Variants in ABI2 observed in about 807,000 individuals in gnomAD.
ABI2 encodes the protein abl interactor 2.
In ABI2, 25 loss-of-function variants were observed where a neutral mutation model predicts 59.2. The ratio of observed to expected loss-of-function variants is 0.42; its 90% CI spans 0.31 to 0.59. The LOEUF is 0.59. ABI2 is among the 20% of genes least tolerant of loss of function. The pLI, the probability that ABI2 is intolerant of heterozygous loss-of-function variation, is 0.14. For synonymous variants in ABI2, 213 were observed against 235.5 expected, an observed-to-expected ratio of 0.90 and a Z score of 0.87; for missense variants, 545 against 681.8, an observed-to-expected ratio of 0.80 and a Z score of 2.23.
chr2:203,395,918 T>C, intron 7 of ABI2, 138 bp downstream of exon 7: 1 of 1,063,602 alleles, frequency 9.4e-7, no homozygotes, highest in African/African-American at 1.6e-5. Flanking sequence ...TCTATATATT[T>C]GTTATTTGTA....
At chr2:203,387,748 G>A (rs563974156) in intron 4 of ABI2, among the ~76,000 whole-genome samples, 6 of 152,250 alleles carry the variant, frequency 3.9e-5, no homozygotes, top group South Asian at 2.1e-4. Flanking sequence ...TGCTATGTTT[G>A]TAACTTTAAA....
At chr2:203,367,074 AT>A in intron 2 of ABI2, 30 bp downstream of exon 2, 1 of 1,593,510 alleles carries the variant, frequency 6.3e-7, no homozygotes, top group South Asian at 1.1e-5. Flanking sequence ...CTATTTGCCT[AT>A]GAGGAACCCT....
At chr2:203,394,377 G>A in intron 5 of ABI2, 1 of 189,494 alleles carries the variant, frequency 5.3e-6, no homozygotes. Flanking sequence ...GATACTAAAA[G>A]AATTCCAACT....
chr2:203,430,797 A>G lies in ABI2; in HGVS notation c.*3445A>G, dbSNP rs1414450296. 1 of 151,992 alleles carries G rather than the reference A, an allele frequency of 6.6e-6. No individual in the cohort carries two copies. Among genetic ancestry groups the G allele is most frequent in the Admixed American group, 6.6e-5 (1 of 15,264 alleles). 9.4% of individuals were successfully genotyped at this position (151,992 alleles called of 1,614,324 possible). A position where few individuals can be genotyped will look rare whatever the true frequency, so the allele number is the denominator to read the frequency against. The stretch of plus-strand genomic sequence containing the variant: ...TCCAGCTAGACAATATTTTATGCAT[A>G]TTTACCGTGATGTCTGGACCGTACC... On this transcript the variant is annotated 3_prime_UTR_variant, in exon 12 of 12. Coordinates refer to ENST00000261018, the MANE Select transcript of ABI2 (RefSeq NM_001375670.1).
intron 1 of ABI2, among the ~76,000 whole-genome samples, chr2:203,347,289 C>G (rs1431459646): frequency 6.6e-6 from 1 of 152,120 alleles, no homozygotes; most frequent in African/African-American, 2.4e-5. Context: ...ATCCTGACTC[C>G]CAGTTTATGC....
chr2:203,427,063 C>A, intron 11 of ABI2, 114 bp from the exon 12 acceptor site: 2 of 847,150 alleles, frequency 2.4e-6, no homozygotes, highest in South Asian at 1.9e-5. Flanking sequence ...TTTAGAAAGT[C>A]ACCATGTTTG....
At chr2:203,355,215 A>T in intron 1 of ABI2, 1 of 398,978 alleles carries the variant, frequency 2.5e-6, no homozygotes, top group South Asian at 1.8e-5. Flanking sequence ...ATGGAAAGTT[A>T]AAAAAAGAAG....
chr2:203,366,728 T>C, intron 1 of ABI2, 149 bp from the exon 2 acceptor site: 1 of 670,252 alleles, frequency 1.5e-6, no homozygotes, highest in South Asian at 3.4e-5. Flanking sequence ...GGGGTTTATG[T>C]GATACCAGTA....
chr2:203,353,322 C>T (rs1370782288), intron 1 of ABI2, among the ~76,000 whole-genome samples: 1 of 152,134 alleles, frequency 6.6e-6, no homozygotes, highest in Non-Finnish European at 1.5e-5. Context: ...AGCTACCATT[C>T]AAGCGCTTCA....
chr2:203,354,280 G>C (rs2090685588), intron 1 of ABI2, among the ~76,000 whole-genome samples: 1 of 152,184 alleles, frequency 6.6e-6, no homozygotes, highest in African/African-American at 2.4e-5. Flanking sequence ...CTGAGCTCAA[G>C]TGATCTTCTC....
chr2:203,427,115 G>A (rs938612066), intron 11 of ABI2, 62 bp from the exon 12 acceptor site: 1 of 1,460,446 alleles, frequency 6.8e-7, no homozygotes, highest in Non-Finnish European at 9.5e-7. Flanking sequence ...TCACTGGCTT[G>A]GTTCTGTCTT....
At chr2:203,373,508 C>CGGGAGA (rs767680219) in intron 2 of ABI2, among the ~76,000 whole-genome samples, 19 of 140,026 alleles carry the variant, frequency 1.4e-4, no homozygotes, top group East Asian at 5.8e-4. Flanking sequence ...GGAGAGGGAG[C>CGGGAGA]GGGAGAGGGA....
At chr2:203,366,409 T>G (rs1245933265) in intron 1 of ABI2, among the ~76,000 whole-genome samples, 2 of 152,174 alleles carry the variant, frequency 1.3e-5, no homozygotes, top group Non-Finnish European at 2.9e-5. Context: ...TCTTAAAATT[T>G]TTTTTTCCTG....
At chr2:203,391,833 A>T (rs1188113872) in intron 5 of ABI2, among the ~76,000 whole-genome samples, 1 of 152,016 alleles carries the variant, frequency 6.6e-6, no homozygotes, top group East Asian at 1.9e-4. Flanking sequence ...AAAAAAAAAA[A>T]AAAAAGAAGA....
At chr2:203,344,647 C>T (rs1297867998) in intron 1 of ABI2, among the ~76,000 whole-genome samples, 1 of 151,798 alleles carries the variant, frequency 6.6e-6, no homozygotes, top group African/African-American at 2.4e-5. Flanking sequence ...GTGAAGCCAG[C>T]TGGGCTTCTG....
chr2:203,331,808 CTTTTTTTTT>C (rs55695294), intron 1 of ABI2, among the ~76,000 whole-genome samples: 44 of 121,974 alleles, frequency 3.6e-4, no homozygotes, highest in Non-Finnish European at 7.5e-4. Flanking sequence ...GCTCAGTGTT[CTTTTTTTTT>C]TTTTTTTTTT....
intron 1 of ABI2, among the ~76,000 whole-genome samples, chr2:203,353,217 C>T (rs2089970289): frequency 6.6e-6 from 1 of 152,002 alleles, no homozygotes; most frequent in Non-Finnish European, 1.5e-5. Flanking sequence ...TTACAATTAT[C>T]ATATAAAAAT....
chr2:203,404,955 A>G (rs1005854027), intron 9 of ABI2, among the ~76,000 whole-genome samples: 8 of 152,212 alleles, frequency 5.3e-5, no homozygotes, highest in Admixed American at 4.6e-4. Flanking sequence ...TTAAGCACAT[A>G]TTTAAATGCA....
intron 2 of ABI2, among the ~76,000 whole-genome samples, chr2:203,372,836 C>T (rs1487523980): frequency 1.3e-5 from 2 of 148,750 alleles, no homozygotes; most frequent in Non-Finnish European, 3.0e-5. Context: ...CAGACGGGGT[C>T]GCGGCTGGGC....
Sources: gnomAD v4.1 joint callset for allele counts (sites outside exome capture counted in the v4.1 genomes callset) on GRCh38, gnomAD v4.1.1 for gene constraint, MANE v1.5 for transcripts, NCBI Gene and HGNC (gene_info 2026-07-23, HGNC 2026-07-21) for gene names.